Variants in LUZP4 observed in about 807,000 individuals in gnomAD.
LUZP4 encodes the protein leucine zipper protein 4.
In LUZP4, 11 loss-of-function variants were observed where a neutral mutation model predicts 8.5. The observed-to-expected ratio is 1.30, with a 90% CI of 0.82 to 2.14. The LOEUF is 2.14. LUZP4 is among the 30% of genes most tolerant of loss of function. The pLI, the probability that LUZP4 is intolerant of heterozygous loss-of-function variation, is 0.00. For synonymous variants in LUZP4, 104 were observed against 79.4 expected, an observed-to-expected ratio of 1.31 and a Z score of -1.65; for missense variants, 276 against 229.7, an observed-to-expected ratio of 1.20 and a Z score of -1.30.
intron 1 of LUZP4, among the ~76,000 whole-genome samples, chrX:115,294,491 G>A (rs1268544164): frequency 4.5e-5 from 5 of 111,514 alleles, no homozygotes; most frequent in Non-Finnish European, 7.5e-5. Context: ...TATGTGCCCC[G>A]GAAAGTGGGC....
At chrX:115,294,169 TTTTC>T (rs1373682622) in intron 1 of LUZP4, among the ~76,000 whole-genome samples, 18 of 111,551 alleles carry the variant, frequency 1.6e-4, no homozygotes, top group African/African-American at 3.6e-4. Flanking sequence ...CTTCCTGCAC[TTTTC>T]TTTGTGTTGA....
intron 1 of LUZP4, among the ~76,000 whole-genome samples, chrX:115,292,457 T>G (rs782730598): frequency 8.9e-6 from 1 of 111,732 alleles, no homozygotes; most frequent in East Asian, 2.8e-4. Flanking sequence ...ATAGAATTAA[T>G]TTTTGCATAT....
chrX:115,293,961 A>C (rs2073359978), intron 1 of LUZP4, among the ~76,000 whole-genome samples: 1 of 111,258 alleles, frequency 9.0e-6, no homozygotes, highest in Non-Finnish European at 1.9e-5. Context: ...AAAAAAAAAA[A>C]ATAAAAAAAG....
chrX:115,295,135 G>A (rs1047114196), intron 1 of LUZP4, among the ~76,000 whole-genome samples: 3 of 111,444 alleles, frequency 2.7e-5, no homozygotes, highest in African/African-American at 9.8e-5. Context: ...GAGTGCAGTG[G>A]CACAATCACA....
Position 115,306,349 on chromosome X carries a change from C to A in LUZP4, c.487C>A (p.Arg163=). ...AGAAAATCATCATTCTGAGCGATCC[C>A]GAAACCACTTAGAGAGATCTCTTTC... The part of the protein sequence containing the change: ...PEENHHSERS[R]NHLERSLSQS... The change falls in exon 4 of 4, where the codon CGA becomes AGA. Residue 163 remains arginine, a synonymous_variant. Coordinates refer to ENST00000371920, the MANE Select transcript of LUZP4 (RefSeq NM_016383.5). The A allele has an allele frequency of 8.3e-7, 1 of 1,211,115 alleles. No individual in the cohort carries two copies. Among genetic ancestry groups the A allele is most frequent in the Non-Finnish European group, 1.1e-6 (1 of 895,363 alleles).
intron 1 of LUZP4, among the ~76,000 whole-genome samples, chrX:115,301,327 G>C (rs1182854823): frequency 9.0e-6 from 1 of 111,676 alleles, no homozygotes; most frequent in African/African-American, 3.3e-5. Flanking sequence ...AGATATTTTA[G>C]AGCAAGTTGT....
chrX:115,302,781 C>A (rs1216391840), intron 2 of LUZP4, among the ~76,000 whole-genome samples: 1 of 112,291 alleles, frequency 8.9e-6, no homozygotes, highest in East Asian at 2.8e-4. Flanking sequence ...AGAAGAGAAG[C>A]GATGATAGTT....
rs186202001 is a variant in LUZP4 at position 115,299,114 on chromosome X, C to A, written c.92-2878C>A. Among the ~76,000 whole-genome samples, 293 of 111,484 alleles carry A rather than the reference C, an allele frequency of 2.6e-3. 2 individuals carry two copies. The highest frequency in any genetic ancestry group is 8.4e-3 in the South Asian group (22 of 2,619). ...AATTCTCTGGATCACCAGGCAGAGA[C>A]TCTTGTTCTTTTCCCTTATTTTCTC... is the stretch of plus-strand genomic sequence containing the variant. On this transcript the variant is annotated intron_variant, in intron 1 of 3. Coordinates refer to ENST00000371920, the MANE Select transcript of LUZP4 (RefSeq NM_016383.5).
chrX:115,299,266 C>T (rs1393508185), intron 1 of LUZP4, among the ~76,000 whole-genome samples: 1 of 111,129 alleles, frequency 9.0e-6, no homozygotes, highest in African/African-American at 3.3e-5. Flanking sequence ...CTCTGGGTTT[C>T]ACTCAAGGCC....
At chrX:115,303,183 T>C in intron 2 of LUZP4, 117 bp from the exon 3 acceptor site, 1 of 387,350 alleles carries the variant, frequency 2.6e-6, no homozygotes, top group Non-Finnish European at 4.6e-6. Flanking sequence ...TAATGAAATA[T>C]CAAAAGTTTT....
chrX:115,306,469 A>C lies in LUZP4; in HGVS notation c.607A>C (p.Arg203=). The C allele has an allele frequency of 8.3e-7, 1 of 1,211,540 alleles. No individual in the cohort carries two copies. Among genetic ancestry groups the C allele is most frequent in the Non-Finnish European group, 1.1e-6 (1 of 895,452 alleles). The change falls in exon 4 of 4, where the codon AGA becomes CGA. Residue 203 remains arginine (R), a synonymous_variant. Transcript: ENST00000371920. ...QYKRSHGQSE[R]SHGHSERSHG... ...CAAGAGATCTCATGGTCAATCTGAG[A>C]GATCTCATGGCCACTCAGAGAGATC... is the stretch of plus-strand genomic sequence containing the variant.
At chrX:115,291,580 T>C (rs1268146631) in intron 1 of LUZP4, among the ~76,000 whole-genome samples, 2 of 110,782 alleles carry the variant, frequency 1.8e-5, no homozygotes, top group Non-Finnish European at 3.8e-5. Context: ...CAGGGAGGGC[T>C]GAACTTTAAA....
intron 1 of LUZP4, among the ~76,000 whole-genome samples, chrX:115,300,554 T>C (rs1297431395): frequency 8.9e-6 from 1 of 112,158 alleles, no homozygotes; most frequent in African/African-American, 3.2e-5. Flanking sequence ...TCCAGAGCAC[T>C]GTAGCTCTTG....
At chrX:115,291,391 G>C (rs1165024371) in intron 1 of LUZP4, among the ~76,000 whole-genome samples, 1 of 111,486 alleles carries the variant, frequency 9.0e-6, no homozygotes, top group African/African-American at 3.3e-5. Context: ...GAGCCACTGC[G>C]CCTGGCCAAG....
chrX:115,294,883 C>T (rs1394796001), intron 1 of LUZP4, among the ~76,000 whole-genome samples: 1 of 110,934 alleles, frequency 9.0e-6, no homozygotes, highest in Non-Finnish European at 1.9e-5. Context: ...TCATAGTCAC[C>T]GAGTTGTAAA....
rs781870490 is a variant in LUZP4 at position 115,289,727 on chromosome X, C to T, written c.-33C>T. ...GTGAGGGGGTGGTACACGCGCCCTA[C>T]CTCGGAGTGTGTGGCGCCATGATGC... is the stretch of plus-strand genomic sequence containing the variant. On this transcript the variant is annotated 5_prime_UTR_variant, in exon 1 of 4. Coordinates refer to ENST00000371920, the MANE Select transcript of LUZP4 (RefSeq NM_016383.5). 16 of 1,111,809 alleles carry T rather than the reference C, an allele frequency of 1.4e-5. No individual in the cohort carries two copies. The highest frequency in any genetic ancestry group is 1.7e-5 in the Non-Finnish European group (14 of 806,156). 91.6% of individuals were successfully genotyped at this position (1,111,809 alleles called of 1,213,427 possible).
chrX:115,293,818 G>T (rs1361808385), intron 1 of LUZP4, among the ~76,000 whole-genome samples: 2 of 109,188 alleles, frequency 1.8e-5, no homozygotes, highest in African/African-American at 6.7e-5. Context: ...GGGCGTGGAG[G>T]CAGGCGCCTG....
chrX:115,295,305 G>A (rs1432371979), intron 1 of LUZP4, among the ~76,000 whole-genome samples: 2 of 111,614 alleles, frequency 1.8e-5, no homozygotes, highest in African/African-American at 3.3e-5. Flanking sequence ...TCTCGAACTC[G>A]TGGGCTCGAG....
intron 3 of LUZP4, 95 bp downstream of exon 3, chrX:115,303,513 G>C: frequency 2.4e-6 from 1 of 417,800 alleles, no homozygotes; most frequent in Non-Finnish European, 3.8e-6. Context: ...TTGAAAGCAG[G>C]GATTGTTTCT....
Sources: allele counts gnomAD v4.1 joint callset (sites outside exome capture counted in the v4.1 genomes callset), GRCh38; gene constraint gnomAD v4.1.1; transcripts MANE v1.5; gene names NCBI Gene and HGNC (gene_info 2026-07-23, HGNC 2026-07-21).